Variants in SLC39A11 observed in about 807,000 individuals in gnomAD.
SLC39A11 encodes the protein zinc transporter ZIP11.
A neutral mutation model predicts 36.1 loss-of-function variants in SLC39A11; 33 were observed. The observed-to-expected ratio is 0.91, with a 90% confidence interval of 0.69 to 1.22. SLC39A11 has a LOEUF of 1.22. SLC39A11 is among the 50% of genes most tolerant of loss of function. The probability of loss-of-function intolerance (pLI) is 0.00; values close to 1 mark genes in which losing one functional copy is unlikely to be tolerated. For synonymous variants in SLC39A11, 166 were observed against 170.3 expected (o/e 0.97, Z 0.20); for missense variants, 432 against 430.3 (o/e 1.00, Z -0.03).
intron 3 of SLC39A11, among the ~76,000 whole-genome samples, chr17:73,054,164 A>G (rs554322612): frequency 1.9e-4 from 29 of 152,132 alleles, no homozygotes; most frequent in Non-Finnish European, 4.0e-4. Flanking sequence ...GGAGTTCGAG[A>G]CCAGCCTGAC....
intron 6 of SLC39A11, among the ~76,000 whole-genome samples, chr17:72,779,356 C>T (rs570742664): frequency 6.6e-6 from 1 of 152,038 alleles, no homozygotes; most frequent in Admixed American, 6.6e-5. Flanking sequence ...ACCTGGGAGG[C>T]GGAGGTTGCA....
intron 5 of SLC39A11, among the ~76,000 whole-genome samples, chr17:72,904,805 A>G (rs1231220138): frequency 5.9e-5 from 9 of 152,202 alleles, no homozygotes; most frequent in Non-Finnish European, 4.4e-5. Context: ...GCAGGAGGGC[A>G]TGGCTGCATT....
intron 4 of SLC39A11, among the ~76,000 whole-genome samples, chr17:72,983,508 A>G (rs879259578): frequency 6.6e-6 from 1 of 152,194 alleles, no homozygotes; most frequent in Non-Finnish European, 1.5e-5. Context: ...ATGTGCTAAG[A>G]TGGAACTCCT....
intron 7 of SLC39A11, among the ~76,000 whole-genome samples, chr17:72,679,771 C>T (rs537586254): frequency 1.5e-3 from 221 of 152,190 alleles, no homozygotes; most frequent in African/African-American, 4.8e-3. Flanking sequence ...TGGCTGGGCA[C>T]GGTGGCTCAC....
intron 4 of SLC39A11, among the ~76,000 whole-genome samples, chr17:72,982,358 G>A (rs1225322983): frequency 1.3e-5 from 2 of 152,038 alleles, no homozygotes; most frequent in Non-Finnish European, 2.9e-5. Context: ...AAATACAGAC[G>A]GTAGCTACTT....
rs62070878 is a variant in SLC39A11 at position 72,927,030 on chromosome 17, G to A, written c.430+20722C>T. Among the ~76,000 whole-genome samples the A allele has an allele frequency of 2.1e-3, 321 of 152,230 alleles. 3 individuals are homozygous for A. Among genetic ancestry groups the A allele is most frequent in the Middle Eastern group, 3.4e-3 (1 of 294 alleles). ...TGCCTCTTACAGATGACAATGTCCGGTTGCCCAGTCCTGGATTTGTTTTAT... is the reference window on the plus strand; with the variant it reads ...TGCCTCTTACAGATGACAATGTCCGATTGCCCAGTCCTGGATTTGTTTTAT... On this transcript the variant is annotated intron_variant, in intron 5 of 9. Transcript: ENST00000255559.
At chr17:73,014,096 T>C (rs1302182154) in intron 4 of SLC39A11, among the ~76,000 whole-genome samples, 1 of 152,032 alleles carries the variant, frequency 6.6e-6, no homozygotes, top group East Asian at 1.9e-4. Flanking sequence ...CCTTAACCCA[T>C]CCTCTGCAGA....
intron 2 of SLC39A11, among the ~76,000 whole-genome samples, chr17:73,085,179 T>C (rs1234017521): frequency 6.6e-6 from 1 of 151,970 alleles, no homozygotes; most frequent in Non-Finnish European, 1.5e-5. Context: ...TTACTGAGCG[T>C]TGGTGAGGAG....
chr17:72,972,465 G>A (rs1469173966), intron 4 of SLC39A11, among the ~76,000 whole-genome samples: 1 of 152,170 alleles, frequency 6.6e-6, no homozygotes, highest in Non-Finnish European at 1.5e-5. Flanking sequence ...TAAGTATGGA[G>A]ACAGAAAAGA....
rs2069571496 is a variant in SLC39A11, at chr17:72,646,560, C to G, written c.*1024G>C. On this transcript the variant is annotated 3_prime_UTR_variant, in exon 10 of 10. Transcript: ENST00000255559. Reference sequence around the variant, plus strand: ...CCTTCTTCCTTTCCCATCCTGAGCCCTCTGGCAAGGCCTGTTGCAGCTCAA... The same window carrying G: ...CCTTCTTCCTTTCCCATCCTGAGCCGTCTGGCAAGGCCTGTTGCAGCTCAA... The G allele has an allele frequency of 1.3e-5, 2 of 151,492 alleles. No homozygotes were observed. The highest frequency in any genetic ancestry group is 6.6e-5 in the Admixed American group (1 of 15,070). 9.4% of individuals were successfully genotyped at this position (151,492 alleles called of 1,614,324 possible). A position where few individuals can be genotyped will look rare whatever the true frequency, so the allele number is the denominator to read the frequency against.
intron 5 of SLC39A11, among the ~76,000 whole-genome samples, chr17:72,911,989 G>A (rs1199270042): frequency 6.6e-6 from 1 of 152,132 alleles, no homozygotes; most frequent in Non-Finnish European, 1.5e-5. Flanking sequence ...CAGGGCTGGT[G>A]CTCAAGAAGG....
chr17:72,953,198 A>C (rs1282778689), intron 4 of SLC39A11, among the ~76,000 whole-genome samples: 1 of 152,030 alleles, frequency 6.6e-6, no homozygotes, highest in Admixed American at 6.6e-5. Context: ...TGGAATTATT[A>C]TCATAATGAT....
At chr17:72,943,435 G>T (rs1221503382) in intron 5 of SLC39A11, among the ~76,000 whole-genome samples, 1 of 152,158 alleles carries the variant, frequency 6.6e-6, no homozygotes, top group Non-Finnish European at 1.5e-5. Context: ...TTTGATAATT[G>T]CATCAGATCT....
chr17:72,930,317 G>C (rs2452932), intron 5 of SLC39A11, among the ~76,000 whole-genome samples: 56,132 of 151,908 alleles, frequency 0.37, 10,981 homozygotes, highest in Middle Eastern at 0.48. Flanking sequence ...CTATAAATTG[G>C]TGAGCTACAG....
chr17:72,863,588 A>G (rs1490131379), intron 5 of SLC39A11, among the ~76,000 whole-genome samples: 1 of 151,978 alleles, frequency 6.6e-6, no homozygotes, highest in Admixed American at 6.5e-5. Context: ...TACCCCATAA[A>G]CCACCTCAAG....
intron 5 of SLC39A11, among the ~76,000 whole-genome samples, chr17:72,883,688 T>C (rs1367787615): frequency 6.6e-6 from 1 of 152,200 alleles, no homozygotes; most frequent in Non-Finnish European, 1.5e-5. Context: ...AAATGTATTC[T>C]TGTCTCATCA....
intron 3 of SLC39A11, among the ~76,000 whole-genome samples, chr17:73,045,307 C>T (rs1184674852): frequency 1.4e-5 from 2 of 140,666 alleles, no homozygotes; most frequent in African/African-American, 2.6e-5. Context: ...TACAGCAAGG[C>T]AACCATCCAA....
chr17:72,930,724 T>G (rs1410378436), intron 5 of SLC39A11, among the ~76,000 whole-genome samples: 1 of 152,148 alleles, frequency 6.6e-6, no homozygotes, highest in Non-Finnish European at 1.5e-5. Context: ...CACGGAAGCA[T>G]CTAGACTGGT....
chr17:72,954,510 C>T (rs1298569029), intron 4 of SLC39A11, among the ~76,000 whole-genome samples: 4 of 152,192 alleles, frequency 2.6e-5, no homozygotes, highest in African/African-American at 9.7e-5. Context: ...GGGTGGCCTG[C>T]CTGGGGCCCA....
Sources: allele counts gnomAD v4.1 joint callset (sites outside exome capture counted in the v4.1 genomes callset), GRCh38; gene constraint gnomAD v4.1.1; transcripts MANE v1.5; gene names NCBI Gene and HGNC (gene_info 2026-07-23, HGNC 2026-07-21).